Variants in VAPA observed in about 807,000 individuals in gnomAD.
VAPA encodes VAMP associated protein A.
In VAPA, 6 loss-of-function variants were observed where a neutral mutation model predicts 25.6. The ratio of observed to expected loss-of-function variants is 0.23; its 90% CI spans 0.13 to 0.46. The LOEUF is 0.46. VAPA is among the 20% of genes least tolerant of loss of function. The pLI, the probability that VAPA is intolerant of heterozygous loss-of-function variation, is 0.99. For missense variants in VAPA, 244 were observed against 302.1 expected, an observed-to-expected ratio of 0.81 and a Z score of 1.43; for synonymous variants, 112 against 106.2, an observed-to-expected ratio of 1.05 and a Z score of -0.34.
intron 2 of VAPA, among the ~76,000 whole-genome samples, chr18:9,933,910 C>G (rs753449648): frequency 3.3e-5 from 5 of 152,226 alleles, no homozygotes; most frequent in Admixed American, 6.5e-5. Flanking sequence ...CCCTAGGAAT[C>G]CATACAACTA....
chr18:9,945,194 A>G (rs2069409247), intron 4 of VAPA: 13 of 1,073,010 alleles, frequency 1.2e-5, no homozygotes, highest in South Asian at 5.4e-5. Flanking sequence ...TAAAATTACA[A>G]TAAAACTACA....
chr18:9,927,118 T>C (rs936296433), intron 1 of VAPA, among the ~76,000 whole-genome samples: 16 of 152,194 alleles, frequency 1.1e-4, no homozygotes, highest in African/African-American at 3.6e-4. Flanking sequence ...AAAGTTGATA[T>C]GCATACTGAG....
chr18:9,943,841 C>CTTTTTTTTTTTTTTTTTTTTTTTTT (rs71169911), intron 4 of VAPA, among the ~76,000 whole-genome samples: 2 of 51,770 alleles, frequency 3.9e-5, no homozygotes, highest in Non-Finnish European at 3.8e-5. Context: ...ACATATTTCC[C>CTTTTTTTTTTTTTTTTTTTTTTTTT]TTTTTTTTTT....
chr18:9,950,780 A>G (rs1307269011), intron 5 of VAPA: 1 of 513,076 alleles, frequency 1.9e-6, no homozygotes, highest in Non-Finnish European at 3.5e-6. Context: ...CACACATTCT[A>G]ATTATTTGTG....
rs1439381283 is a variant in VAPA at position 9,957,022 on chromosome 18, A to AG, written c.*2812dup. On this transcript the variant is annotated 3_prime_UTR_variant, in exon 6 of 6. Coordinates refer to ENST00000400000, the MANE Select transcript of VAPA (RefSeq NM_194434.3). ...TATGAAATTCAGAAATTCCGATCAA[A>AG]GAAAAGTAATTCTTTCTTTTTTTTT... 1 of 146,362 alleles carries AG rather than the reference A, an allele frequency of 6.8e-6. No individual in the cohort carries two copies. Among genetic ancestry groups the AG allele is most frequent in the Non-Finnish European group, 1.5e-5 (1 of 65,860 alleles). 9.1% of individuals were successfully genotyped at this position (146,362 alleles called of 1,614,324 possible).
At position 9,945,063 on chromosome 18, in the gene VAPA, G is replaced by A. The variant is rs763317750; in HGVS notation, c.418-5332G>A. 12 of 1,613,226 alleles carry A rather than the reference G, an allele frequency of 7.4e-6. No homozygotes were observed. In the South Asian group the frequency reaches 1.3e-4, roughly 18 times the overall value. Reference sequence around the variant, plus strand: ...TTGAAACAGGAGAAACAGAAGGTTTGTTATAGGGAGTTAACAGACTTAGGA... The same window carrying A: ...TTGAAACAGGAGAAACAGAAGGTTTATTATAGGGAGTTAACAGACTTAGGA... On this transcript the variant is annotated intron_variant, in intron 4 of 5. Coordinates refer to ENST00000400000, the MANE Select transcript of VAPA (RefSeq NM_194434.3).
chr18:9,919,330 T>C (rs2069137822), intron 1 of VAPA, among the ~76,000 whole-genome samples: 1 of 152,242 alleles, frequency 6.6e-6, no homozygotes, highest in Non-Finnish European at 1.5e-5. Context: ...TTTTTAAAAT[T>C]CATTCAATTA....
At chr18:9,945,835 G>C (rs988211805) in intron 4 of VAPA, among the ~76,000 whole-genome samples, 7 of 151,972 alleles carry the variant, frequency 4.6e-5, no homozygotes, top group African/African-American at 1.5e-4. Context: ...GCTGTTTAGA[G>C]TGGGAAAAAA....
At chr18:9,947,890 TACATATACATATATAGCATA>T (rs1198485457) in intron 4 of VAPA, 1 of 152,152 alleles carries the variant, frequency 6.6e-6, no homozygotes, top group African/African-American at 2.4e-5. Flanking sequence ...TTCCCCCCAT[TACATATACATATATAGCATA>T]ACATATACAT....
intron 1 of VAPA, among the ~76,000 whole-genome samples, chr18:9,928,453 G>A (rs1279364655): frequency 6.6e-6 from 1 of 152,048 alleles, no homozygotes; most frequent in Admixed American, 6.6e-5. Flanking sequence ...TTCCACTGCA[G>A]GATTAACCAT....
chr18:9,942,971 G>C (rs1359367423), intron 4 of VAPA, among the ~76,000 whole-genome samples: 1 of 152,142 alleles, frequency 6.6e-6, no homozygotes, highest in Non-Finnish European at 1.5e-5. Context: ...ACTTGTGTGA[G>C]GATTTTGATC....
intron 4 of VAPA, among the ~76,000 whole-genome samples, chr18:9,945,349 T>C (rs1318369726): frequency 3.7e-5 from 4 of 108,382 alleles, no homozygotes; most frequent in Non-Finnish European, 5.5e-5. Flanking sequence ...GGGAATATAC[T>C]CTTTTTTTTT....
chr18:9,947,580 C>G (rs914009716), intron 4 of VAPA: 1 of 152,160 alleles, frequency 6.6e-6, no homozygotes, highest in Non-Finnish European at 1.5e-5. Flanking sequence ...CCTTGACCTT[C>G]CAGCTTATTC....
intron 4 of VAPA, chr18:9,949,652 G>A (rs939002473): frequency 2.6e-5 from 4 of 152,156 alleles, no homozygotes; most frequent in Non-Finnish European, 4.4e-5. Context: ...ATACTGCTAC[G>A]ATGTGTGGTG....
At chr18:9,952,547 C>T (rs1599120168) in intron 5 of VAPA, among the ~76,000 whole-genome samples, 2 of 143,174 alleles carry the variant, frequency 1.4e-5, no homozygotes, top group East Asian at 2.0e-4. Flanking sequence ...GCCTGGGTGA[C>T]GAGCAAAACA....
intron 1 of VAPA, among the ~76,000 whole-genome samples, chr18:9,926,573 G>A (rs1325581316): frequency 1.3e-5 from 2 of 152,108 alleles, no homozygotes; most frequent in Non-Finnish European, 2.9e-5. Flanking sequence ...TTATATTTGT[G>A]TTGTTTTCCT....
rs376209704 is a variant in VAPA at position 9,916,157 on chromosome 18, T to C, written c.79+1822T>C. 1.3e-4 allele frequency among the ~76,000 whole-genome samples: 20 copies of C among 152,348 alleles called. 1 individual carries two copies. The highest frequency in any genetic ancestry group is 5.9e-4 in the Admixed American group (9 of 15,300). ...AGTTTTCTCCTTAGGGAAGTTGTTA[T>C]GTTGCTATAGTAAGGGAGTAATAAT... is the stretch of plus-strand genomic sequence containing the variant. On this transcript the variant is annotated intron_variant, in intron 1 of 5. Coordinates refer to ENST00000400000, the MANE Select transcript of VAPA (RefSeq NM_194434.3).
chr18:9,942,923 A>T (rs1446026572), intron 4 of VAPA, among the ~76,000 whole-genome samples: 2 of 152,190 alleles, frequency 1.3e-5, no homozygotes, highest in African/African-American at 4.8e-5. Context: ...GGGGACACAG[A>T]TCCAAACCAT....
rs2143340881 is a variant in VAPA, at chr18:9,931,960, C to A, written c.230C>A (p.Ser77Ter). The A allele has an allele frequency of 5.7e-6, 9 of 1,581,688 alleles. No individual in the cohort carries two copies. The highest frequency in any genetic ancestry group is 7.7e-6 in the Non-Finnish European group (9 of 1,164,234). ...GACCCAGGGTCAACTGTGACTGTTTCAGGTAGCAAATCATGTTCTGAATTT... is the reference window on the plus strand; with the variant it reads ...GACCCAGGGTCAACTGTGACTGTTTAAGGTAGCAAATCATGTTCTGAATTT... ...IIDPGSTVTV[S>*]VMLQPFDYDP... is the part of the protein sequence containing the mutation. Residue 77 changes from serine to a stop codon, truncating the protein, a stop_gained and splice_region_variant, in exon 2 of 6, where the codon TCA (serine) becomes TAA (stop). Transcript: ENST00000400000. LOFTEE classifies it high-confidence loss of function.
Sources: allele counts gnomAD v4.1 joint callset (sites outside exome capture counted in the v4.1 genomes callset), GRCh38; gene constraint gnomAD v4.1.1; transcripts MANE v1.5; gene names NCBI Gene and HGNC (gene_info 2026-07-23, HGNC 2026-07-21).